The following SOX5 variants were observed in gnomAD, a reference collection of about 807,000 sequenced individuals.
SOX5 encodes transcription factor SOX-5.
SOX5 carries 9 observed loss-of-function variants against 92.0 expected under a neutral mutation model. The ratio of observed to expected loss-of-function variants is 0.10; its 90% CI spans 0.06 to 0.17. The LOEUF (loss-of-function observed/expected upper bound fraction) is 0.17. Ranked by LOEUF, SOX5 falls within the 10% of genes least tolerant of loss-of-function variation. The pLI, the probability that SOX5 is intolerant of heterozygous loss-of-function variation, is 1.00. For missense variants in SOX5, 642 were observed against 944.5 expected (o/e 0.68, Z 4.20); for synonymous variants, 344 against 336.3 (o/e 1.02, Z -0.25).
intron 6 of SOX5, among the ~76,000 whole-genome samples, chr12:23,672,317 C>A (rs1232035078): frequency 6.6e-6 from 1 of 152,176 alleles, no homozygotes; most frequent in African/African-American, 2.4e-5. Context: ...GACTGCTCTG[C>A]AGAAGCAAAA....
intron 1 of SOX5, among the ~76,000 whole-genome samples, chr12:24,526,606 G>A (rs1950732349): frequency 6.6e-6 from 1 of 152,116 alleles, no homozygotes; most frequent in African/African-American, 2.4e-5. Context: ...TATAACAAAA[G>A]CGCAAGAAGA....
chr12:23,764,742 T>A (rs940256491), intron 3 of SOX5, among the ~76,000 whole-genome samples: 2 of 152,050 alleles, frequency 1.3e-5, no homozygotes, highest in Non-Finnish European at 1.5e-5. Context: ...ATAAAGAAGA[T>A]GCAAAATGTA....
At chr12:24,199,262 G>A (rs891626344) in intron 4 of SOX5, among the ~76,000 whole-genome samples, 9 of 152,112 alleles carry the variant, frequency 5.9e-5, no homozygotes, top group Admixed American at 5.2e-4. Flanking sequence ...GGTGAGGGCT[G>A]GAAAGTAGAC....
chr12:23,946,051 T>C (rs1170443336), intron 1 of SOX5, among the ~76,000 whole-genome samples: 1 of 152,092 alleles, frequency 6.6e-6, no homozygotes, highest in South Asian at 2.1e-4. Flanking sequence ...CTGAAAAGTG[T>C]CCTAATAAGA....
Position 23,851,095 on chromosome 12 carries a change from C to T in SOX5, c.271-4902G>A, listed in dbSNP as rs769085820. 5.3e-5 allele frequency among the ~76,000 whole-genome samples: 8 copies of T among 151,420 alleles called. 1 individual carries two copies. In the South Asian group the frequency reaches 1.3e-3, roughly 24 times the overall value. On this transcript the variant is annotated intron_variant, in intron 2 of 14. Transcript: ENST00000451604. ...AGTTGCTTGCAAAAGAAAAAAAAAA[C>T]CTTATCAAGATAAAAGTTTACCCCT...
chr12:24,337,428 C>T (rs1952036851), intron 2 of SOX5, among the ~76,000 whole-genome samples: 1 of 151,516 alleles, frequency 6.6e-6, no homozygotes. Flanking sequence ...GCAACCTCTG[C>T]CTCCCAAGTT....
intron 1 of SOX5, among the ~76,000 whole-genome samples, chr12:23,926,802 G>T (rs185811754): frequency 1.3e-5 from 2 of 152,162 alleles, no homozygotes; most frequent in East Asian, 3.9e-4. Context: ...GATCTACAGG[G>T]AAAATGCCTT....
At chr12:24,380,033 T>C (rs1957672314) in intron 1 of SOX5, among the ~76,000 whole-genome samples, 1 of 152,176 alleles carries the variant, frequency 6.6e-6, no homozygotes, top group Non-Finnish European at 1.5e-5. Context: ...TATAGGGGCA[T>C]AGTAGCCTAT....
intron 4 of SOX5, among the ~76,000 whole-genome samples, chr12:24,173,079 A>C (rs1470747309): frequency 6.6e-6 from 1 of 152,212 alleles, no homozygotes; most frequent in African/African-American, 2.4e-5. Context: ...GAATTCCAAA[A>C]GGGTGGTCCA....
In SOX5 at chr12:24,167,272, G is replaced by T. The variant is rs530522478; in HGVS notation, c.-2+46071C>A. Among the ~76,000 whole-genome samples the T allele has an allele frequency of 9.2e-5, 14 of 152,270 alleles. No homozygotes were observed. The East Asian group carries it at 2.7e-3, about 29-fold the overall frequency. ...GTGATACATAATATGTGCATTTCCT[G>T]CAGTACTGAAATTTATACTAAATAT... is the stretch of plus-strand genomic sequence containing the variant. On this transcript the variant is annotated intron_variant, in intron 4 of 4. Transcript: ENST00000446891.
intron 4 of SOX5, among the ~76,000 whole-genome samples, chr12:24,167,341 T>C (rs1953532886): frequency 6.6e-6 from 1 of 152,228 alleles, no homozygotes. Flanking sequence ...TTTAACTCAG[T>C]ATTTGACAAA....
At chr12:23,816,514 A>G (rs906243668) in intron 3 of SOX5, among the ~76,000 whole-genome samples, 2 of 152,114 alleles carry the variant, frequency 1.3e-5, no homozygotes, top group Non-Finnish European at 2.9e-5. Flanking sequence ...AGATTTCTTA[A>G]GGAAGGCAGG....
At chr12:23,976,904 G>T in intron 4 of SOX5, among the ~76,000 whole-genome samples, 1 of 151,764 alleles carries the variant, frequency 6.6e-6, no homozygotes, top group East Asian at 1.9e-4. Flanking sequence ...AATAAACTGT[G>T]AAAAGCAAAT....
chr12:23,862,843 C>T (rs1159556448), intron 2 of SOX5, among the ~76,000 whole-genome samples: 1 of 152,134 alleles, frequency 6.6e-6, no homozygotes, highest in South Asian at 2.1e-4. Flanking sequence ...ATTTTCTTGC[C>T]AATTCCAAAT....
chr12:23,714,945 T>C (rs2092371649), intron 6 of SOX5, among the ~76,000 whole-genome samples: 1 of 152,284 alleles, frequency 6.6e-6, no homozygotes, highest in South Asian at 2.1e-4. Context: ...GAAATCTATA[T>C]TAATTTTACA....
At chr12:24,083,858 T>C (rs926932802) in intron 4 of SOX5, among the ~76,000 whole-genome samples, 1 of 151,968 alleles carries the variant, frequency 6.6e-6, no homozygotes, top group Non-Finnish European at 1.5e-5. Flanking sequence ...TAGGGCAAAA[T>C]AGGTCTGGAA....
intron 3 of SOX5, among the ~76,000 whole-genome samples, chr12:24,273,190 C>G (rs976803832): frequency 6.6e-6 from 1 of 152,178 alleles, no homozygotes; most frequent in African/African-American, 2.4e-5. Flanking sequence ...ACCTGCAAGG[C>G]AGAGGTTGCA....
intron 2 of SOX5, among the ~76,000 whole-genome samples, chr12:23,874,632 G>A (rs2096908109): frequency 6.6e-6 from 1 of 152,174 alleles, no homozygotes; most frequent in African/African-American, 2.4e-5. Context: ...TATAAGAAGA[G>A]AGAGAGAGTG....
At chr12:23,545,430 T>C (rs1295098003) in intron 12 of SOX5, among the ~76,000 whole-genome samples, 1 of 152,152 alleles carries the variant, frequency 6.6e-6, no homozygotes, top group Admixed American at 6.6e-5. Flanking sequence ...CTATTAAAAA[T>C]CAGAGTATCA....
Sources: allele counts gnomAD v4.1 joint callset (sites outside exome capture counted in the v4.1 genomes callset), GRCh38; gene constraint gnomAD v4.1.1; transcripts MANE v1.5; gene names NCBI Gene and HGNC (gene_info 2026-07-23, HGNC 2026-07-21).